Variants in CFH observed in about 807,000 individuals in gnomAD.
The protein encoded by CFH is complement factor H.
In CFH, 53 loss-of-function variants were observed where a neutral mutation model predicts 147.3. The ratio of observed to expected loss-of-function variants is 0.36; its 90% CI spans 0.29 to 0.45. The LOEUF (loss-of-function observed/expected upper bound fraction) is 0.45, where lower values mean the gene tolerates loss of function less well. Ranked by LOEUF, CFH falls within the 20% of genes least tolerant of loss-of-function variation. The probability of loss-of-function intolerance (pLI) is 1.00; values close to 1 mark genes in which losing one functional copy is unlikely to be tolerated. For synonymous variants in CFH, 536 were observed against 489.4 expected (o/e 1.10, Z -1.26); for missense variants, 1,380 against 1,498.0 (o/e 0.92, Z 1.30).
chr1:196,723,616 T>C (rs962373781), intron 11 of CFH, among the ~76,000 whole-genome samples: 1 of 152,036 alleles, frequency 6.6e-6, no homozygotes, highest in Non-Finnish European at 1.5e-5. Context: ...GACTCTCTGT[T>C]GCCCCAAGGA....
chr1:196,730,940 C>T lies in CFH; in HGVS notation c.2413+2418C>T, dbSNP rs530107073. On this transcript the variant is annotated intron_variant, in intron 15 of 21. Coordinates refer to ENST00000367429, the MANE Select transcript of CFH (RefSeq NM_000186.4). Reference sequence around the variant, plus strand: ...TTATTTTTATAGGTTTTTTTCCATGCCTTCACTGCAATCTGTGAATTTACG... The same window carrying T: ...TTATTTTTATAGGTTTTTTTCCATGTCTTCACTGCAATCTGTGAATTTACG... Among the ~76,000 whole-genome samples, 20 of 151,752 alleles carry T rather than the reference C, an allele frequency of 1.3e-4. No individual in the cohort carries two copies. In the South Asian group the frequency reaches 3.1e-3, roughly 24 times the overall value.
intron 1 of CFH, among the ~76,000 whole-genome samples, chr1:196,656,309 G>GAAAAAAA (rs111440999): frequency 2.4e-5 from 2 of 84,962 alleles, no homozygotes; most frequent in African/African-American, 6.3e-5. Context: ...ATCTCAAAAA[G>GAAAAAAA]AAAAAAAAAA....
intron 1 of CFH, among the ~76,000 whole-genome samples, chr1:196,670,902 C>T (rs1460178612): frequency 2.0e-5 from 3 of 152,056 alleles, no homozygotes; most frequent in African/African-American, 7.2e-5. Context: ...TCATTTTCTT[C>T]TCTATTGTTA....
chr1:196,745,308 A>G (rs1193899004), intron 20 of CFH, among the ~76,000 whole-genome samples: 2 of 151,464 alleles, frequency 1.3e-5, no homozygotes, highest in African/African-American at 2.4e-5. Flanking sequence ...TTGTTGTTGT[A>G]TTTTTCTGAA....
chr1:196,743,492 T>TA lies in CFH; in HGVS notation c.3175dup (p.Ile1059AsnfsTer8), dbSNP rs1652886287. The TA allele has an allele frequency of 6.2e-7, 1 of 1,613,928 alleles. No individual in the cohort carries two copies. The stretch of plus-strand genomic sequence containing the variant: ...ATCCGCCCACAGTACAAAATGCTTA[T>TA]ATAGTGTCGAGACAGATGAGTAAAT... On this transcript the variant is annotated frameshift_variant, in exon 20 of 22. Transcript: ENST00000367429. LOFTEE classifies it high-confidence loss of function.
At chr1:196,700,908 C>T in intron 9 of CFH, 1 of 962,606 alleles carries the variant, frequency 1.0e-6, no homozygotes, top group African/African-American at 1.8e-5. Context: ...GGTGAGTTTT[C>T]TCAGAGCAGC....
Position 196,685,209 on chromosome 1 carries a change from T to A in CFH, c.936T>A (p.Thr312=). The A allele has an allele frequency of 6.2e-7, 1 of 1,613,020 alleles. No homozygotes were observed. Among genetic ancestry groups the A allele is most frequent in the South Asian group, 1.1e-5 (1 of 91,074 alleles). The change falls in exon 7 of 22, where the codon ACT becomes ACA. Residue 312 remains threonine (T), a synonymous_variant. Coordinates refer to ENST00000367429, the MANE Select transcript of CFH (RefSeq NM_000186.4). ...GAAATACAGCAAAATGCACAAGTAC[T>A]GGCTGGATACCTGCTCCGAGATGTA... ...TRGNTAKCTS[T]GWIPAPRCTL...
chr1:196,673,376 C>T (rs577426462), intron 2 of CFH: 117 of 550,536 alleles, frequency 2.1e-4, no homozygotes, highest in Admixed American at 3.4e-4. Context: ...CTCCCTCTAT[C>T]GCCTGGCTGG....
At chr1:196,710,121 T>C (rs150263355) in intron 9 of CFH, among the ~76,000 whole-genome samples, 47 of 152,162 alleles carry the variant, frequency 3.1e-4, no homozygotes, top group African/African-American at 1.1e-3. Context: ...TAATGCAGGT[T>C]CCACATCCTG....
chr1:196,685,310 C>T (rs757519424), intron 7 of CFH, 73 bp downstream of exon 7: 4 of 1,409,200 alleles, frequency 2.8e-6, no homozygotes, highest in Non-Finnish European at 4.0e-6. Flanking sequence ...AATAGGGACT[C>T]AATAAAACCA....
At chr1:196,668,093 G>A (rs1443050718) in intron 1 of CFH, among the ~76,000 whole-genome samples, 1 of 151,820 alleles carries the variant, frequency 6.6e-6, no homozygotes, top group Non-Finnish European at 1.5e-5. Context: ...AATATACATA[G>A]CATAGGGTTT....
chr1:196,669,389 G>A (rs1403368231), intron 1 of CFH, among the ~76,000 whole-genome samples: 2 of 152,190 alleles, frequency 1.3e-5, no homozygotes, highest in African/African-American at 4.8e-5. Context: ...GAATGTTAGT[G>A]ATCTTTAAGG....
chr1:196,745,881 G>T lies in CFH; in HGVS notation c.3375G>T (p.Leu1125Phe), dbSNP rs775694339. 1.9e-6 allele frequency: 3 copies of T among 1,614,126 alleles called. No individual in the cohort carries two copies. Among genetic ancestry groups the T allele is most frequent in the South Asian group, 2.2e-5 (2 of 91,082 alleles). Residue 1125 changes from leucine to phenylalanine, a missense_variant, in exon 21 of 22, where the codon TTG becomes TTT. Around this residue, in one of 4 missense-constraint regions of CFH, gnomAD observed 123 missense variants for 185.3 expected, o/e 0.66. Transcript: ENST00000367429. The stretch of plus-strand genomic sequence containing the variant: ...ATGGGGACATTACTTCATTCCCGTT[G>T]TCAGTATATGCTCCAGCTTCATCAG... ...IDNGDITSFPLSVYAPASSVE... is the reference protein window; with the variant it reads ...IDNGDITSFPFSVYAPASSVE...
At chr1:196,691,149 A>C (rs1042938217) in intron 9 of CFH, among the ~76,000 whole-genome samples, 1 of 151,902 alleles carries the variant, frequency 6.6e-6, no homozygotes, top group Admixed American at 6.6e-5. Context: ...CTCAACTCCT[A>C]TATCAATATT....
chr1:196,720,158 G>T (rs1668965896), intron 11 of CFH, among the ~76,000 whole-genome samples: 1 of 151,736 alleles, frequency 6.6e-6, no homozygotes, highest in Non-Finnish European at 1.5e-5. Flanking sequence ...AGTTATCATT[G>T]ACTCTGCAAT....
chr1:196,739,508 G>A (rs530431972), intron 17 of CFH, among the ~76,000 whole-genome samples: 11 of 152,114 alleles, frequency 7.2e-5, no homozygotes, highest in African/African-American at 2.7e-4. Flanking sequence ...TGCATAGCAG[G>A]AGTGACCTTT....
chr1:196,714,338 TATA>T (rs1055181010), intron 10 of CFH, among the ~76,000 whole-genome samples: 18 of 151,874 alleles, frequency 1.2e-4, no homozygotes, highest in Non-Finnish European at 2.4e-4. Context: ...ATTTAAACTC[TATA>T]ATTTGTAGAT....
In CFH at chr1:196,728,329, A is replaced by G; in HGVS notation, c.2237-17A>G. ...TCCTATCATTTGAATTTTCATAAAA[A>G]TATATTTATTTTATAGCAATAGATA... On this transcript the variant is annotated splice_polypyrimidine_tract_variant and intron_variant, in intron 14 of 21. Transcript: ENST00000367429. The G allele has an allele frequency of 2.2e-6, 3 of 1,360,836 alleles. No individual in the cohort carries two copies. Among genetic ancestry groups the G allele is most frequent in the Non-Finnish European group, 3.0e-6 (3 of 1,008,248 alleles). 84.3% of individuals were successfully genotyped at this position (1,360,836 alleles called of 1,614,324 possible).
At chr1:196,723,979 T>C (rs1215754938) in intron 11 of CFH, among the ~76,000 whole-genome samples, 1 of 151,994 alleles carries the variant, frequency 6.6e-6, no homozygotes, top group Non-Finnish European at 1.5e-5. Context: ...CTGGGACCAT[T>C]GGGCTCCTGG....
Sources: allele counts gnomAD v4.1 joint callset (sites outside exome capture counted in the v4.1 genomes callset), GRCh38; gene constraint gnomAD v4.1.1; regional missense constraint gnomAD v4.1.1; transcripts MANE v1.5; gene names NCBI Gene and HGNC (gene_info 2026-07-23, HGNC 2026-07-21).